The following NDUFV2 variants were observed in gnomAD, a reference collection of about 807,000 sequenced individuals.
NDUFV2 encodes NADH:ubiquinone oxidoreductase core subunit V2, also known as NADH dehydrogenase [ubiquinone] flavoprotein 2, mitochondrial.
NDUFV2 carries 18 observed loss-of-function variants against 31.6 expected under a neutral mutation model. The ratio of observed to expected loss-of-function variants is 0.57; its 90% CI spans 0.39 to 0.84. The LOEUF (loss-of-function observed/expected upper bound fraction) is 0.84, where lower values mean the gene tolerates loss of function less well. Ranked by LOEUF, NDUFV2 falls within the 40% of genes least tolerant of loss-of-function variation. The pLI is 0.00. For synonymous variants in NDUFV2, 83 were observed against 99.8 expected, an observed-to-expected ratio of 0.83 and a Z score of 1.01; for missense variants, 314 against 303.6, an observed-to-expected ratio of 1.03 and a Z score of -0.26.
At chr18:9,103,898 T>C in intron 1 of NDUFV2, 3 of 416,166 alleles carry the variant, frequency 7.2e-6, no homozygotes, top group Non-Finnish European at 1.3e-5. Context: ...CCGAGTTAAA[T>C]ATCTACATTC....
rs191714639 is a variant in NDUFV2, at chr18:9,105,255, C to G, written c.54+2458C>G. Among the ~76,000 whole-genome samples, 587 of 152,334 alleles carry G rather than the reference C, an allele frequency of 3.9e-3. 5 individuals are homozygous for G. The highest frequency in any genetic ancestry group is 6.9e-3 in the Admixed American group (106 of 15,302). ...TTATTTACGCTTTCAAAGAAATTGCCTAATCTAATTTCTGCTTTGCTAGCT... is the reference window on the plus strand; with the variant it reads ...TTATTTACGCTTTCAAAGAAATTGCGTAATCTAATTTCTGCTTTGCTAGCT... On this transcript the variant is annotated intron_variant, in intron 1 of 7. Transcript: ENST00000318388.
intron 1 of NDUFV2, among the ~76,000 whole-genome samples, chr18:9,109,993 A>G (rs2077861877): frequency 6.6e-6 from 1 of 152,178 alleles, no homozygotes. Flanking sequence ...ACTTGGTTGC[A>G]TGCTTTTCTT....
intron 7 of NDUFV2, among the ~76,000 whole-genome samples, chr18:9,133,123 A>G (rs966730735): frequency 2.0e-5 from 3 of 152,168 alleles, no homozygotes; most frequent in Non-Finnish European, 4.4e-5. Context: ...AAGATCTTAT[A>G]TTATGTGGTG....
chr18:9,105,098 C>T, intron 1 of NDUFV2: 1 of 1,128,240 alleles, frequency 8.9e-7, no homozygotes, highest in Non-Finnish European at 1.2e-6. Flanking sequence ...TGAGGATGTT[C>T]TATTACTTAT....
rs1339354178 is a variant in NDUFV2, at chr18:9,134,280, T to C, written c.*1T>C. The C allele has an allele frequency of 1.9e-6, 3 of 1,602,420 alleles. No individual in the cohort carries two copies. The highest frequency in any genetic ancestry group is 1.3e-5 in the African/African-American group (1 of 74,832). On this transcript the variant is annotated 3_prime_UTR_variant, in exon 8 of 8. Transcript: ENST00000318388. Reference sequence around the variant, plus strand: ...ATTTGGTGTACAAGCAGGCCTTTAATTTATATTGAACTGTAAATATGTCAC... The same window carrying C: ...ATTTGGTGTACAAGCAGGCCTTTAACTTATATTGAACTGTAAATATGTCAC...
chr18:9,104,060 A>T, intron 1 of NDUFV2: 2 of 1,298,084 alleles, frequency 1.5e-6, no homozygotes, highest in Non-Finnish European at 2.2e-6. Context: ...AGAGAGATGA[A>T]TAGGGTCATC....
At chr18:9,118,152 G>A (rs757902993) in intron 2 of NDUFV2, among the ~76,000 whole-genome samples, 18 of 152,288 alleles carry the variant, frequency 1.2e-4, no homozygotes, top group Non-Finnish European at 2.2e-4. Context: ...TACTGTGTGA[G>A]CCCTAACCTG....
chr18:9,121,604 T>C (rs1360537929), intron 4 of NDUFV2: 1 of 152,226 alleles, frequency 6.6e-6, no homozygotes, highest in East Asian at 1.9e-4. Flanking sequence ...TATTAGAATA[T>C]GGATATATCT....
intron 1 of NDUFV2, chr18:9,104,187 A>G (rs780589845): frequency 6.2e-7 from 1 of 1,612,524 alleles, no homozygotes; most frequent in Non-Finnish European, 8.5e-7. Context: ...GGCAAGAAAA[A>G]GATCGGTATG....
intron 7 of NDUFV2, among the ~76,000 whole-genome samples, chr18:9,128,418 C>G (rs2078010877): frequency 6.6e-6 from 1 of 152,160 alleles, no homozygotes; most frequent in African/African-American, 2.4e-5. Context: ...CCATTACTTT[C>G]TTTTCTAAGA....
chr18:9,105,100 ATTAC>A (rs2077835103), intron 1 of NDUFV2: 1 of 1,105,694 alleles, frequency 9.0e-7, no homozygotes, highest in Non-Finnish European at 1.2e-6. Flanking sequence ...AGGATGTTCT[ATTAC>A]TTATACAACC....
chr18:9,107,349 A>C (rs929359561), intron 1 of NDUFV2, among the ~76,000 whole-genome samples: 2 of 152,232 alleles, frequency 1.3e-5, no homozygotes, highest in Admixed American at 6.5e-5. Context: ...TCTGTTGCCC[A>C]TGCTGTATAA....
intron 1 of NDUFV2, among the ~76,000 whole-genome samples, chr18:9,109,689 A>G (rs1008333581): frequency 2.0e-5 from 3 of 152,234 alleles, no homozygotes; most frequent in Admixed American, 6.5e-5. Flanking sequence ...TCTGTCACTA[A>G]TTGTGCGGTA....
intron 2 of NDUFV2, 93 bp downstream of exon 2, chr18:9,117,996 CTT>C (rs1458692758): frequency 2.4e-6 from 2 of 835,072 alleles, no homozygotes; most frequent in African/African-American, 3.4e-5. Flanking sequence ...ATACCATTGT[CTT>C]TGATATATGA....
At chr18:9,122,431 G>C in intron 4 of NDUFV2, 82 bp from the exon 5 acceptor site, 2 of 1,270,492 alleles carry the variant, frequency 1.6e-6, no homozygotes, top group South Asian at 2.5e-5. Flanking sequence ...AGACAATATT[G>C]AAATTATACT....
chr18:9,127,858 T>C (rs1282889516), intron 7 of NDUFV2, among the ~76,000 whole-genome samples: 3 of 152,328 alleles, frequency 2.0e-5, no homozygotes, highest in African/African-American at 7.2e-5. Flanking sequence ...CTTGTAATAA[T>C]TGTGCCTAAT....
At chr18:9,124,407 G>A (rs1285538150) in intron 5 of NDUFV2, among the ~76,000 whole-genome samples, 1 of 150,046 alleles carries the variant, frequency 6.7e-6, no homozygotes, top group Non-Finnish European at 1.5e-5. Context: ...ATAGGACGGA[G>A]CCACTCCACC....
At chr18:9,128,206 T>C (rs1036731424) in intron 7 of NDUFV2, among the ~76,000 whole-genome samples, 8 of 152,230 alleles carry the variant, frequency 5.3e-5, no homozygotes, top group African/African-American at 1.9e-4. Context: ...TTAAAACAGC[T>C]GTGATGTGCT....
intron 1 of NDUFV2, among the ~76,000 whole-genome samples, chr18:9,107,911 G>A (rs2077849675): frequency 6.6e-6 from 1 of 152,060 alleles, no homozygotes; most frequent in African/African-American, 2.4e-5. Flanking sequence ...TGAGTGGAAG[G>A]TGTAAGTTGA....
Sources: allele counts gnomAD v4.1 joint callset (sites outside exome capture counted in the v4.1 genomes callset), GRCh38; gene constraint gnomAD v4.1.1; transcripts MANE v1.5; gene names NCBI Gene and HGNC (gene_info 2026-07-23, HGNC 2026-07-21).